ROBO2: variants seen among roughly 807,000 people sequenced by gnomAD.
ROBO2 encodes roundabout guidance receptor 2, also known as roundabout homolog 2.
A neutral mutation model predicts 160.8 loss-of-function variants in ROBO2; 53 were observed. The observed-to-expected ratio is 0.33, with a 90% CI of 0.26 to 0.41. The LOEUF (loss-of-function observed/expected upper bound fraction) is 0.41. Among genes scored for constraint, ROBO2 ranks in the 10% least tolerant of loss-of-function variants. ROBO2 has a pLI of 1.00. For missense variants in ROBO2, 1,577 were observed against 1,722.4 expected, an observed-to-expected ratio of 0.92 and a Z score of 1.49; for synonymous variants, 664 against 611.7, an observed-to-expected ratio of 1.09 and a Z score of -1.26.
intron 2 of ROBO2, among the ~76,000 whole-genome samples, chr3:76,153,395 AGTGAAT>A (rs1325802523): frequency 6.6e-6 from 1 of 152,180 alleles, no homozygotes; most frequent in Non-Finnish European, 1.5e-5. Context: ...AGGATAATCA[AGTGAAT>A]GGATGCACAA....
chr3:77,505,412 G>A, intron 5 of ROBO2, among the ~76,000 whole-genome samples: 1 of 151,818 alleles, frequency 6.6e-6, no homozygotes, highest in East Asian at 1.9e-4. Flanking sequence ...GCTGAGATTT[G>A]TAACTTGGGT....
intron 2 of ROBO2, among the ~76,000 whole-genome samples, chr3:76,176,587 C>T (rs764256806): frequency 4.6e-5 from 7 of 152,074 alleles, no homozygotes; most frequent in Non-Finnish European, 7.4e-5. Context: ...AGATTTTTCT[C>T]TAAGGTCTAA....
At chr3:76,141,969 G>C (rs1577030051) in intron 2 of ROBO2, among the ~76,000 whole-genome samples, 1 of 151,904 alleles carries the variant, frequency 6.6e-6, no homozygotes. Flanking sequence ...GACTAAGAAG[G>C]TCAACAGTTT....
chr3:77,111,328 T>A (rs1288146169), intron 2 of ROBO2, among the ~76,000 whole-genome samples: 3 of 152,154 alleles, frequency 2.0e-5, no homozygotes, highest in Non-Finnish European at 4.4e-5. Context: ...ATACTAGTAG[T>A]ATCTCTCTTA....
At chr3:76,887,619 C>G (rs1254225099) in intron 2 of ROBO2, among the ~76,000 whole-genome samples, 5 of 152,156 alleles carry the variant, frequency 3.3e-5, no homozygotes, top group South Asian at 4.1e-4. Context: ...AAAAAATGTC[C>G]TGCTAAACAT....
chr3:76,647,226 G>T (rs1238211840), intron 2 of ROBO2, among the ~76,000 whole-genome samples: 1 of 152,182 alleles, frequency 6.6e-6, no homozygotes, highest in Non-Finnish European at 1.5e-5. Flanking sequence ...GATGTAGCTA[G>T]CTCTGCAAGT....
At chr3:76,623,305 A>G (rs1183873739) in intron 2 of ROBO2, among the ~76,000 whole-genome samples, 1 of 152,082 alleles carries the variant, frequency 6.6e-6, no homozygotes, top group Admixed American at 6.5e-5. Context: ...GCTCGGGTTT[A>G]TTTTTGTCTG....
At chr3:76,007,345 A>G (rs1374056218) in intron 2 of ROBO2, among the ~76,000 whole-genome samples, 1 of 152,166 alleles carries the variant, frequency 6.6e-6, no homozygotes, top group East Asian at 1.9e-4. Context: ...TAAAAACATA[A>G]AACACAGCTT....
intron 2 of ROBO2, among the ~76,000 whole-genome samples, chr3:76,793,363 TA>T (rs2063488539): frequency 2.0e-5 from 3 of 151,972 alleles, no homozygotes; most frequent in South Asian, 2.1e-4. Flanking sequence ...ACATTGCTAA[TA>T]GGGGGAACCT....
At chr3:76,680,213 C>T (rs1266910393) in intron 2 of ROBO2, among the ~76,000 whole-genome samples, 4 of 152,074 alleles carry the variant, frequency 2.6e-5, no homozygotes, top group Admixed American at 2.0e-4. Context: ...AACCAAAATG[C>T]CGACGCTTAC....
At chr3:76,150,309 C>A (rs72630357) in intron 2 of ROBO2, among the ~76,000 whole-genome samples, 6,633 of 151,146 alleles carry the variant, frequency 0.044, 324 homozygotes, top group East Asian at 0.21. Flanking sequence ...CTGTCTAAAG[C>A]ACACATCATC....
chr3:76,304,651 T>C (rs1295669812), intron 2 of ROBO2, among the ~76,000 whole-genome samples: 1 of 152,118 alleles, frequency 6.6e-6, no homozygotes, highest in East Asian at 1.9e-4. Flanking sequence ...AGTTAGAGAG[T>C]CACACAGCTA....
At chr3:76,365,804 C>T (rs1245440765) in intron 2 of ROBO2, among the ~76,000 whole-genome samples, 3 of 151,186 alleles carry the variant, frequency 2.0e-5, no homozygotes, top group African/African-American at 7.3e-5. Context: ...TTGGAATTTA[C>T]TTTTCTTTGT....
At chr3:77,117,650 G>T (rs1344502734) in intron 2 of ROBO2, among the ~76,000 whole-genome samples, 1 of 152,008 alleles carries the variant, frequency 6.6e-6, no homozygotes. Context: ...TTGTTTTATG[G>T]TAAGTTTATG....
chr3:77,066,440 A>C (rs2066849588), intron 1 of ROBO2, among the ~76,000 whole-genome samples: 1 of 152,180 alleles, frequency 6.6e-6, no homozygotes, highest in Non-Finnish European at 1.5e-5. Context: ...TTTGTTCTAT[A>C]GTTTCCTGTA....
At chr3:77,326,481 C>A (rs1422625881) in intron 2 of ROBO2, among the ~76,000 whole-genome samples, 1 of 152,162 alleles carries the variant, frequency 6.6e-6, no homozygotes, top group East Asian at 1.9e-4. Flanking sequence ...ACCTGACAAC[C>A]CCAAATCATT....
chr3:77,200,925 A>G (rs115158407), intron 2 of ROBO2, among the ~76,000 whole-genome samples: 97 of 152,248 alleles, frequency 6.4e-4, no homozygotes, highest in African/African-American at 2.3e-3. Flanking sequence ...ATGCATAAGT[A>G]CACAGTAGCA....
chr3:77,192,691 G>T (rs530471907), intron 2 of ROBO2, among the ~76,000 whole-genome samples: 2 of 132,418 alleles, frequency 1.5e-5, no homozygotes, highest in African/African-American at 3.1e-5. Context: ...TCTCACCCAG[G>T]TTGGAGTGCA....
At chr3:76,034,779 T>A (rs1380164831) in intron 2 of ROBO2, among the ~76,000 whole-genome samples, 1 of 152,098 alleles carries the variant, frequency 6.6e-6, no homozygotes, top group African/African-American at 2.4e-5. Context: ...CGTGTGACAT[T>A]TATGAGCCTT....
Sources: allele counts gnomAD v4.1 joint callset (sites outside exome capture counted in the v4.1 genomes callset), GRCh38; gene constraint gnomAD v4.1.1; transcripts MANE v1.5; gene names NCBI Gene and HGNC (gene_info 2026-07-23, HGNC 2026-07-21).